Variants in SCFD2 observed in about 807,000 individuals in gnomAD.
SCFD2 encodes sec1 family domain-containing protein 2.
SCFD2 carries 54 observed loss-of-function variants against 58.9 expected under a neutral mutation model. The ratio of observed to expected loss-of-function variants is 0.92; its 90% confidence interval spans 0.74 to 1.15. The LOEUF is 1.15. Among genes scored for constraint, SCFD2 ranks in the 50% most tolerant of loss-of-function variants. The probability of loss-of-function intolerance (pLI) is 0.00; values close to 1 mark genes in which losing one functional copy is unlikely to be tolerated. For synonymous variants in SCFD2, 321 were observed against 335.9 expected (o/e 0.96, Z 0.49); for missense variants, 805 against 836.6 (o/e 0.96, Z 0.47).
At chr4:53,141,572 G>A (rs1726166283) in intron 5 of SCFD2, among the ~76,000 whole-genome samples, 1 of 151,588 alleles carries the variant, frequency 6.6e-6, no homozygotes, top group African/African-American at 2.4e-5. Context: ...AAGTTTCAAT[G>A]CTTTTATATA....
At chr4:53,136,081 T>A (rs1366671474) in intron 5 of SCFD2, among the ~76,000 whole-genome samples, 2 of 152,220 alleles carry the variant, frequency 1.3e-5, no homozygotes, top group Admixed American at 6.5e-5. Flanking sequence ...TCTACAAATA[T>A]TTGTATATTT....
chr4:53,013,856 G>C (rs1262395852), intron 5 of SCFD2, among the ~76,000 whole-genome samples: 1 of 152,136 alleles, frequency 6.6e-6, no homozygotes, highest in Non-Finnish European at 1.5e-5. Context: ...TTATTGCTTG[G>C]ATTCCGTGCA....
intron 3 of SCFD2, among the ~76,000 whole-genome samples, chr4:53,284,207 G>A (rs1439918666): frequency 6.6e-6 from 1 of 150,482 alleles, no homozygotes; most frequent in African/African-American, 2.4e-5. Flanking sequence ...ATTTTATGCT[G>A]GGTAGCCAAA....
chr4:53,098,108 T>G (rs1724714428), intron 5 of SCFD2, among the ~76,000 whole-genome samples: 1 of 152,346 alleles, frequency 6.6e-6, no homozygotes, highest in South Asian at 2.1e-4. Context: ...TGCTGCTGGA[T>G]TTGGTTTACC....
chr4:53,342,612 T>C (rs1338673972), intron 2 of SCFD2, among the ~76,000 whole-genome samples: 6 of 152,220 alleles, frequency 3.9e-5, no homozygotes, highest in East Asian at 3.8e-4. Context: ...GCAGACCTAA[T>C]AGACATCTAC....
At chr4:53,174,821 C>T (rs1446367728) in intron 4 of SCFD2, among the ~76,000 whole-genome samples, 1 of 152,186 alleles carries the variant, frequency 6.6e-6, no homozygotes, top group Non-Finnish European at 1.5e-5. Flanking sequence ...CACCTCACCC[C>T]TTGTCTTCAG....
At chr4:53,249,606 C>T (rs530672535) in intron 4 of SCFD2, among the ~76,000 whole-genome samples, 1 of 152,316 alleles carries the variant, frequency 6.6e-6, no homozygotes, top group Admixed American at 6.5e-5. Flanking sequence ...CAGCAGATCT[C>T]TCGGCAAAAA....
rs1019630785 is a variant in SCFD2 at position 53,250,668 on chromosome 4, C to A, written c.1311+23158G>T. On this transcript the variant is annotated intron_variant, in intron 4 of 8. Coordinates refer to ENST00000401642, the MANE Select transcript of SCFD2 (RefSeq NM_152540.4). Reference sequence around the variant, plus strand: ...TACTGGGTAAATAATGAAATGAAGGCAGAAATAAAGATGTTCTTTGAAACC... The same window carrying A: ...TACTGGGTAAATAATGAAATGAAGGAAGAAATAAAGATGTTCTTTGAAACC... Among the ~76,000 whole-genome samples the A allele has an allele frequency of 2.6e-4, 39 of 152,286 alleles. 1 individual carries two copies. Among genetic ancestry groups the A allele is most frequent in the African/African-American group, 8.9e-4 (37 of 41,572 alleles).
At chr4:53,095,100 T>C (rs1457529363) in intron 5 of SCFD2, among the ~76,000 whole-genome samples, 3 of 152,160 alleles carry the variant, frequency 2.0e-5, no homozygotes. Flanking sequence ...GAACGTTACT[T>C]CTTGAACTTC....
At chr4:53,135,740 CA>C (rs527621179) in intron 5 of SCFD2, among the ~76,000 whole-genome samples, 40 of 143,496 alleles carry the variant, frequency 2.8e-4, no homozygotes, top group South Asian at 4.4e-4. Flanking sequence ...GACTCCATCT[CA>C]AAAAAAAAAA....
chr4:52,924,599 G>A (rs547075998), intron 5 of SCFD2, among the ~76,000 whole-genome samples: 2 of 152,058 alleles, frequency 1.3e-5, no homozygotes, highest in Admixed American at 6.5e-5. Flanking sequence ...TGATATATAC[G>A]TTTTAGGGAT....
intron 5 of SCFD2, among the ~76,000 whole-genome samples, chr4:52,975,553 A>G (rs1054957144): frequency 6.6e-6 from 1 of 152,204 alleles, no homozygotes; most frequent in African/African-American, 2.4e-5. Flanking sequence ...AGAAATAGGA[A>G]CACTTTTACA....
chr4:53,122,035 GGAATAAACTTCCCCA>G (rs2074955501), intron 5 of SCFD2, among the ~76,000 whole-genome samples: 1 of 151,940 alleles, frequency 6.6e-6, no homozygotes, highest in Non-Finnish European at 1.5e-5. Context: ...AATCACCTAA[GGAATAAACTTCCCCA>G]GACTCACTCA....
At chr4:53,255,098 C>A (rs1730557180) in intron 4 of SCFD2, among the ~76,000 whole-genome samples, 1 of 151,038 alleles carries the variant, frequency 6.6e-6, no homozygotes, top group African/African-American at 2.4e-5. Context: ...GTCTCAATCT[C>A]CTGATCTCGT....
At chr4:53,280,086 G>A (rs1190089707) in intron 3 of SCFD2, among the ~76,000 whole-genome samples, 1 of 152,144 alleles carries the variant, frequency 6.6e-6, no homozygotes, top group East Asian at 1.9e-4. Context: ...TTTCTGGCTG[G>A]TAAAATATAC....
intron 5 of SCFD2, among the ~76,000 whole-genome samples, chr4:53,069,812 A>G (rs1475996950): frequency 6.6e-6 from 1 of 151,984 alleles, no homozygotes; most frequent in African/African-American, 2.4e-5. Flanking sequence ...ATTGTTAGAG[A>G]TTGTTTTCTC....
In SCFD2 at chr4:53,301,945, C is replaced by T. The variant is rs1193445654; in HGVS notation, c.1135+11691G>A. Reference sequence around the variant, plus strand: ...CTCAATAAATTAGGTATTGATGGGACGTATCTCAAAATAATAAGAGCTATC... The same window carrying T: ...CTCAATAAATTAGGTATTGATGGGATGTATCTCAAAATAATAAGAGCTATC... On this transcript the variant is annotated intron_variant, in intron 3 of 8. Coordinates refer to ENST00000401642, the MANE Select transcript of SCFD2 (RefSeq NM_152540.4). Among the ~76,000 whole-genome samples the T allele has an allele frequency of 5.3e-5, 8 of 152,060 alleles. 1 individual carries two copies. Among genetic ancestry groups the T allele is most frequent in the Admixed American group, 2.0e-4 (3 of 15,266 alleles).
chr4:53,341,781 G>C (rs1441996992), intron 2 of SCFD2, among the ~76,000 whole-genome samples: 1 of 152,218 alleles, frequency 6.6e-6, no homozygotes, highest in Non-Finnish European at 1.5e-5. Context: ...CTACAAGCCA[G>C]AAGAGAGTAG....
At chr4:52,900,543 C>G (rs916944036) in intron 7 of SCFD2, among the ~76,000 whole-genome samples, 1 of 152,194 alleles carries the variant, frequency 6.6e-6, no homozygotes, top group Non-Finnish European at 1.5e-5. Flanking sequence ...AGGTGTCAGT[C>G]TGCCCCTACT....
Sources: allele counts gnomAD v4.1 joint callset (sites outside exome capture counted in the v4.1 genomes callset), GRCh38; gene constraint gnomAD v4.1.1; transcripts MANE v1.5; gene names NCBI Gene and HGNC (gene_info 2026-07-23, HGNC 2026-07-21).